The following ITGA7 variants were observed in gnomAD, a reference collection of about 807,000 sequenced individuals.
ITGA7 encodes integrin alpha-7.
Under a neutral mutation model 131.6 loss-of-function variants are expected in ITGA7, and 84 were observed. The observed-to-expected ratio is 0.64, with a 90% CI of 0.54 to 0.77. The LOEUF (loss-of-function observed/expected upper bound fraction) is 0.77, where lower values mean the gene tolerates loss of function less well. Among genes scored for constraint, ITGA7 ranks in the 30% least tolerant of loss-of-function variants. The pLI is 0.00. For missense variants in ITGA7, 1,399 were observed against 1,482.9 expected, an observed-to-expected ratio of 0.94 and a Z score of 0.93; for synonymous variants, 548 against 600.7, an observed-to-expected ratio of 0.91 and a Z score of 1.28.
chr12:55,711,298 CA>C (rs1167042633), upstream of ITGA7, among the ~76,000 whole-genome samples: 2 of 151,930 alleles, frequency 1.3e-5, no homozygotes, highest in Non-Finnish European at 2.9e-5. Flanking sequence ...GCCAATATGA[CA>C]AAAACCCATC....
At chr12:55,693,090 C>A in intron 20 of ITGA7, 51 bp downstream of exon 20, 1 of 1,610,840 alleles carries the variant, frequency 6.2e-7, no homozygotes. Context: ...TACCCTTACT[C>A]CCCATAACAT....
In ITGA7 at chr12:55,696,339, G is replaced by A. The variant is rs776107991; in HGVS notation, c.1831C>T (p.Leu611=). Residue 611 remains leucine, a synonymous_variant, in exon 13 of 25, where the codon CTG becomes TTG. Transcript: ENST00000257879. The part of the protein sequence containing the change: ...RLRRQAPGQG[L]PPVAPILNAH... ...TTGAGGATGGGGGCCACTGGAGGCA[G>A]CCCCTGGCCAGGAGCCTGTCGCCGG... 66 of 1,584,776 alleles carry A rather than the reference G, an allele frequency of 4.2e-5. No individual in the cohort carries two copies. Among genetic ancestry groups the A allele is most frequent in the Non-Finnish European group, 5.3e-5 (62 of 1,164,476 alleles).
Position 55,701,515 on chromosome 12 carries a change from T to C in ITGA7, c.415-361A>G. On this transcript the variant is annotated intron_variant, in intron 3 of 24. Coordinates refer to ENST00000257879, the MANE Select transcript of ITGA7 (RefSeq NM_002206.3). Reference sequence around the variant, plus strand: ...AAAATGCCAAGCTTGGCCCTGTCCCTGGACCTTTGTAAGTGTCACCATCTC... The same window carrying C: ...AAAATGCCAAGCTTGGCCCTGTCCCCGGACCTTTGTAAGTGTCACCATCTC... 4.2e-6 allele frequency: 5 copies of C among 1,178,148 alleles called. No individual in the cohort carries two copies. The South Asian group carries it at 5.2e-5, about 12-fold the overall frequency. 73.0% of individuals were successfully genotyped at this position (1,178,148 alleles called of 1,614,324 possible).
chr12:55,686,188 C>T, intron 24 of ITGA7: 1 of 1,324,534 alleles, frequency 7.5e-7, no homozygotes, highest in African/African-American at 1.5e-5. Context: ...CACATGCACA[C>T]ACACAACAGT....
Position 55,707,890 on chromosome 12 carries a change from A to AGCTCCGGCGCCC in ITGA7, c.-220_-209dup. The AGCTCCGGCGCCC allele has an allele frequency of 7.2e-7, 1 of 1,396,572 alleles. No homozygotes were observed. The highest frequency in any genetic ancestry group is 9.2e-7 in the Non-Finnish European group (1 of 1,084,086). The allele number at this position is 1,396,572 out of a possible 1,614,324, so 86.5% of individuals were successfully genotyped here. On this transcript the variant is annotated 5_prime_UTR_variant, in exon 1 of 25. Transcript: ENST00000257879. ...CGGCTAGGACAACTACAGCAGCCGC[A>AGCTCCGGCGCCC]GCTCCGGCGCCCACTCCGGCTCCCG...
chr12:55,687,877 C>T (rs1870571482), intron 24 of ITGA7, 94 bp downstream of exon 24: 1 of 1,541,288 alleles, frequency 6.5e-7, no homozygotes, highest in Admixed American at 1.7e-5. Flanking sequence ...TTGCTGAATA[C>T]ATGAGTGTGT....
intron 21 of ITGA7, among the ~76,000 whole-genome samples, chr12:55,691,527 T>C (rs1871411743): frequency 6.6e-6 from 1 of 152,248 alleles, no homozygotes; most frequent in Non-Finnish European, 1.5e-5. Context: ...ATATGTTAAT[T>C]AGCTCAATAT....
upstream of ITGA7, among the ~76,000 whole-genome samples, chr12:55,715,643 A>G (rs1474070118): frequency 6.6e-6 from 1 of 152,174 alleles, no homozygotes; most frequent in East Asian, 1.9e-4. Flanking sequence ...GAGAGACTTC[A>G]GTGGGGTAGT....
intron 19 of ITGA7, 142 bp from the exon 20 acceptor site, chr12:55,693,459 T>C (rs1871932920): frequency 1.3e-6 from 1 of 741,572 alleles, no homozygotes; most frequent in Non-Finnish European, 2.2e-6. Flanking sequence ...CTTGGCCTCC[T>C]GTAGTGCTGT....
chr12:55,707,409 C>T, intron 1 of ITGA7, 68 bp downstream of exon 1: 1 of 1,294,898 alleles, frequency 7.7e-7, no homozygotes, highest in South Asian at 1.2e-5. Flanking sequence ...ATGAGGAGGC[C>T]CACAGAGTGG....
At chr12:55,692,208 T>C (rs1294695736) in intron 21 of ITGA7, among the ~76,000 whole-genome samples, 1 of 151,982 alleles carries the variant, frequency 6.6e-6, no homozygotes, top group Non-Finnish European at 1.5e-5. Context: ...AGGTTAGGAG[T>C]TCGAGACCAG....
upstream of ITGA7, among the ~76,000 whole-genome samples, chr12:55,714,147 C>T (rs1312161274): frequency 1.3e-5 from 2 of 152,098 alleles, no homozygotes; most frequent in Admixed American, 1.3e-4. Flanking sequence ...GAGGCCGAGG[C>T]GGGCAGATTA....
chr12:55,710,485 A>G (rs1875992890), upstream of ITGA7, among the ~76,000 whole-genome samples: 1 of 151,784 alleles, frequency 6.6e-6, no homozygotes, highest in East Asian at 1.9e-4. Context: ...TAAATTAAAA[A>G]TTAATGCTGA....
chr12:55,686,436 C>G (rs1163489035), intron 24 of ITGA7: 1 of 487,010 alleles, frequency 2.1e-6, no homozygotes, highest in African/African-American at 2.0e-5. Flanking sequence ...CATCCTGGGA[C>G]CAGTTTCACA....
chr12:55,701,368 T>C (rs1873985299), intron 3 of ITGA7: 1 of 1,552,542 alleles, frequency 6.4e-7, no homozygotes, highest in South Asian at 1.2e-5. Context: ...CAGCAACCTG[T>C]CTGCACCCAC....
In ITGA7 at chr12:55,696,359, C is replaced by A; in HGVS notation, c.1811G>T (p.Arg604Leu). ...AGGCAGCCCCTGGCCAGGAGCCTGTCGCCGGAGCCGAGGGGTCTGGAGACT... is the reference window on the plus strand; with the variant it reads ...AGGCAGCCCCTGGCCAGGAGCCTGTAGCCGGAGCCGAGGGGTCTGGAGACT... ...SYSLQTPRLR[R>L]QAPGQGLPPV... Residue 604 changes from arginine (R) to leucine (L), a missense_variant, in exon 13 of 25, where the codon CGA becomes CTA. Coordinates refer to ENST00000257879, the MANE Select transcript of ITGA7 (RefSeq NM_002206.3). The A allele has an allele frequency of 2.5e-6, 4 of 1,591,072 alleles. No individual in the cohort carries two copies. Among genetic ancestry groups the A allele is most frequent in the Non-Finnish European group, 3.4e-6 (4 of 1,167,490 alleles).
chr12:55,704,606 G>C (rs1028119840), intron 1 of ITGA7, among the ~76,000 whole-genome samples: 1 of 152,214 alleles, frequency 6.6e-6, no homozygotes, highest in African/African-American at 2.4e-5. Context: ...CACCAGGATA[G>C]GCAAGTCACA....
In ITGA7 at chr12:55,698,431, C is replaced by T. The variant is rs146584244; in HGVS notation, c.1144G>A (p.Gly382Arg). ...TCCCCCAGGACAGCCAGGCTGATCC[C>T]GAACATGGAGTCAGGGGAGCCGCAG... ...RLCGSPDSMFGISLAVLGDLN... is the reference protein window; with the variant it reads ...RLCGSPDSMFRISLAVLGDLN... Residue 382 changes from glycine to arginine, a missense_variant, in exon 7 of 25, where the codon GGG becomes AGG. Gly to Arg is a moderately radical substitution (Grantham distance 125). Coordinates refer to ENST00000257879, the MANE Select transcript of ITGA7 (RefSeq NM_002206.3). 8.7e-6 allele frequency: 14 copies of T among 1,613,586 alleles called. No individual in the cohort carries two copies. Among genetic ancestry groups the T allele is most frequent in the African/African-American group, 6.7e-5 (5 of 74,868 alleles).
Position 55,688,911 on chromosome 12 carries a change from A to C in ITGA7, c.2891T>G (p.Leu964Arg). 1 of 1,614,020 alleles carries C rather than the reference A, an allele frequency of 6.2e-7. No individual in the cohort carries two copies. Among genetic ancestry groups the C allele is most frequent in the South Asian group, 1.1e-5 (1 of 91,068 alleles). Residue 964 changes from leucine (L) to arginine (R), a missense_variant, in exon 22 of 25, where the codon CTC becomes CGC. By Grantham distance (102) the Leu-to-Arg change is moderately radical. Coordinates refer to ENST00000257879, the MANE Select transcript of ITGA7 (RefSeq NM_002206.3). ...CACAGCCGCGCGGTCAAAGCTGTAG[A>C]GTGGGCAGCTGAACACCACACAGTT... ...TANCVVFSCP[L>R]YSFDRAAVLH...
Sources: allele counts gnomAD v4.1 joint callset (sites outside exome capture counted in the v4.1 genomes callset), GRCh38; gene constraint gnomAD v4.1.1; transcripts MANE v1.5; gene names NCBI Gene and HGNC (gene_info 2026-07-23, HGNC 2026-07-21).